The following ARID4A variants were observed in gnomAD, a reference collection of about 807,000 sequenced individuals.
ARID4A encodes AT-rich interactive domain-containing protein 4A.
ARID4A carries 39 observed loss-of-function variants against 148.6 expected under a neutral mutation model. The ratio of observed to expected loss-of-function variants is 0.26; its 90% CI spans 0.20 to 0.34. The LOEUF (loss-of-function observed/expected upper bound fraction) is 0.34, where lower values mean the gene tolerates loss of function less well. ARID4A is among the 10% of genes least tolerant of loss of function. The pLI, the probability that ARID4A is intolerant of heterozygous loss-of-function variation, is 1.00. For missense variants in ARID4A, 1,265 were observed against 1,449.1 expected (o/e 0.87, Z 2.06); for synonymous variants, 475 against 481.2 (o/e 0.99, Z 0.17).
intron 2 of ARID4A, among the ~76,000 whole-genome samples, chr14:58,301,022 T>C (rs1445649572): frequency 6.6e-6 from 1 of 152,214 alleles, no homozygotes; most frequent in Non-Finnish European, 1.5e-5. Context: ...TCTGGAGCCA[T>C]CAGTTCATAT....
intron 3 of ARID4A, 140 bp downstream of exon 3, chr14:58,301,830 A>G: frequency 2.0e-6 from 1 of 501,864 alleles, no homozygotes; most frequent in Non-Finnish European, 3.5e-6. Context: ...AGCACATCAA[A>G]AATAAAGAAA....
At chr14:58,355,518 T>C (rs1047425067) in intron 17 of ARID4A, among the ~76,000 whole-genome samples, 4 of 152,214 alleles carry the variant, frequency 2.6e-5, no homozygotes, top group African/African-American at 9.6e-5. Context: ...GAATGTGGTC[T>C]TTCTCTCAAA....
At chr14:58,303,565 T>G in intron 3 of ARID4A, 1 of 470,988 alleles carries the variant, frequency 2.1e-6, no homozygotes, top group South Asian at 1.5e-5. Flanking sequence ...GGAGGAAACG[T>G]CTGACTTGTT....
rs1186140500 is a variant in ARID4A, at chr14:58,344,711, A to C, written c.923A>C (p.Asp308Ala). ...TEEEVPEEEL[D>A]PEERDNFLQQ... ...TCTTTACAGCCTGAGGAAGAACTTG[A>C]TCCTGAAGAGAGGGACAACTTCCTC... The change falls in exon 12 of 24, where the codon GAT becomes GCT. Residue 308 changes from aspartate (D) to alanine (A), a missense_variant. By Grantham distance (126) the Asp-to-Ala change is moderately radical. This residue lies in a region of ARID4A where 249 missense variants were observed against 277.2 expected (regional missense o/e 0.90). Transcript: ENST00000355431. 1 of 1,612,572 alleles carries C rather than the reference A, an allele frequency of 6.2e-7. No individual in the cohort carries two copies. Among genetic ancestry groups the C allele is most frequent in the African/African-American group, 1.3e-5 (1 of 75,004 alleles).
At chr14:58,317,438 C>T (rs1389725938) in intron 5 of ARID4A, among the ~76,000 whole-genome samples, 1 of 149,572 alleles carries the variant, frequency 6.7e-6, no homozygotes, top group Non-Finnish European at 1.5e-5. Flanking sequence ...GCGCCCGCCA[C>T]CACGTCTGGC....
intron 11 of ARID4A, among the ~76,000 whole-genome samples, chr14:58,338,573 A>G (rs1156941521): frequency 2.0e-5 from 3 of 151,976 alleles, no homozygotes; most frequent in Non-Finnish European, 4.4e-5. Flanking sequence ...GGTAGGGATG[A>G]AGGAGAGGGG....
intron 8 of ARID4A, among the ~76,000 whole-genome samples, chr14:58,324,290 T>A (rs1307833556): frequency 6.6e-6 from 1 of 152,196 alleles, no homozygotes; most frequent in Non-Finnish European, 1.5e-5. Context: ...TTTTTCTTGC[T>A]GTTGTGACAG....
At chr14:58,344,630 A>G in intron 11 of ARID4A, 65 bp from the exon 12 acceptor site, 5 of 1,207,680 alleles carry the variant, frequency 4.1e-6, no homozygotes, top group Non-Finnish European at 4.7e-6. Flanking sequence ...GTTCACAAAA[A>G]TAAAAGAAGA....
intron 11 of ARID4A, among the ~76,000 whole-genome samples, chr14:58,333,670 T>A (rs2033652103): frequency 6.6e-6 from 1 of 152,112 alleles, no homozygotes; most frequent in Non-Finnish European, 1.5e-5. Flanking sequence ...TCATAAGTAC[T>A]TGAGTTTGTT....
At chr14:58,330,871 T>A (rs2033480509) in intron 11 of ARID4A, among the ~76,000 whole-genome samples, 1 of 152,208 alleles carries the variant, frequency 6.6e-6, no homozygotes, top group Admixed American at 6.5e-5. Context: ...CTTATATGAA[T>A]ACTGTTGTTT....
chr14:58,370,839 G>A (rs2035577472), intron 23 of ARID4A, among the ~76,000 whole-genome samples: 1 of 152,030 alleles, frequency 6.6e-6, no homozygotes, highest in African/African-American at 2.4e-5. Context: ...TGGAACCCCT[G>A]TTCTAAAGCA....
chr14:58,362,524 A>G (rs2140265485), intron 19 of ARID4A, among the ~76,000 whole-genome samples: 1 of 152,060 alleles, frequency 6.6e-6, no homozygotes, highest in Admixed American at 6.5e-5. Context: ...TGGGAGGTCA[A>G]GGCTGCAGCA....
At chr14:58,314,900 C>T (rs933707120) in intron 5 of ARID4A, among the ~76,000 whole-genome samples, 10 of 152,170 alleles carry the variant, frequency 6.6e-5, no homozygotes, top group Non-Finnish European at 1.3e-4. Context: ...GGGTGGAACA[C>T]TTGAGGCCAG....
At chr14:58,339,901 A>G (rs1174458935) in intron 11 of ARID4A, among the ~76,000 whole-genome samples, 2 of 152,026 alleles carry the variant, frequency 1.3e-5, no homozygotes, top group South Asian at 2.1e-4. Flanking sequence ...GGGAAGTGCT[A>G]TACACTTTCA....
intron 19 of ARID4A, among the ~76,000 whole-genome samples, chr14:58,362,227 G>T (rs2035162752): frequency 6.6e-6 from 1 of 152,056 alleles, no homozygotes; most frequent in African/African-American, 2.4e-5. Context: ...GAGTATAGGT[G>T]AACATATTTT....
chr14:58,320,305 G>C (rs901452897), intron 7 of ARID4A, among the ~76,000 whole-genome samples: 16 of 152,182 alleles, frequency 1.1e-4, no homozygotes, highest in African/African-American at 3.9e-4. Context: ...TTGAGAGGAA[G>C]TGGCAAGCAT....
intron 5 of ARID4A, among the ~76,000 whole-genome samples, chr14:58,308,686 G>C (rs903161999): frequency 6.6e-6 from 1 of 152,186 alleles, no homozygotes; most frequent in Non-Finnish European, 1.5e-5. Context: ...CTTGGGTCAT[G>C]AACATCCTGT....
At chr14:58,320,218 T>G (rs984184653) in intron 7 of ARID4A, among the ~76,000 whole-genome samples, 2 of 152,060 alleles carry the variant, frequency 1.3e-5, no homozygotes, top group Non-Finnish European at 2.9e-5. Context: ...AGTGTTGGGA[T>G]TACAGGCGTG....
intron 12 of ARID4A, among the ~76,000 whole-genome samples, chr14:58,345,020 G>A (rs977792862): frequency 6.6e-6 from 1 of 151,940 alleles, no homozygotes; most frequent in Non-Finnish European, 1.5e-5. Context: ...CTACAGGCAC[G>A]TGCCACCATA....
Sources: gnomAD v4.1 joint callset for allele counts (sites outside exome capture counted in the v4.1 genomes callset) on GRCh38, gnomAD v4.1.1 for gene constraint, gnomAD v4.1.1 regional missense constraint, MANE v1.5 for transcripts, NCBI Gene and HGNC (gene_info 2026-07-23, HGNC 2026-07-21) for gene names.